SDCCAG8: variants seen among roughly 807,000 people sequenced by gnomAD.
The protein encoded by SDCCAG8 is serologically defined colon cancer antigen 8.
SDCCAG8 carries 74 observed loss-of-function variants against 101.8 expected under a neutral mutation model. The observed-to-expected ratio is 0.73, with a 90% CI of 0.60 to 0.88. SDCCAG8 has a LOEUF of 0.88. SDCCAG8 is among the 40% of genes least tolerant of loss of function. The pLI is 0.00. For missense variants in SDCCAG8, 787 were observed against 822.6 expected (o/e 0.96, Z 0.53); for synonymous variants, 281 against 292.9 (o/e 0.96, Z 0.41).
chr1:243,480,112 C>T (rs966951300), intron 16 of SDCCAG8, among the ~76,000 whole-genome samples: 1 of 151,054 alleles, frequency 6.6e-6, no homozygotes, highest in African/African-American at 2.4e-5. Context: ...AAGTAATCAT[C>T]AAGCAGAGAG....
Position 243,418,026 on chromosome 1 carries a change from A to C in SDCCAG8, c.1803A>C (p.Glu601Asp), listed in dbSNP as rs1199896922. 2.0e-5 allele frequency: 32 copies of C among 1,613,112 alleles called. No individual in the cohort carries two copies. The highest frequency in any genetic ancestry group is 2.7e-5 in the Non-Finnish European group (32 of 1,179,408). Reference sequence around the variant, plus strand: ...ATACATTTTTGACAAAGTTAAAGGAAGAATGCTGTACATTAGCCAAGAAAC... The same window carrying C: ...ATACATTTTTGACAAAGTTAAAGGACGAATGCTGTACATTAGCCAAGAAAC... The part of the protein sequence containing the change: ...SQNTFLTKLK[E>D]ECCTLAKKLE... The change falls in exon 15 of 18, where the codon GAA becomes GAC. Residue 601 changes from glutamate to aspartate, a missense_variant. Coordinates refer to ENST00000366541, the MANE Select transcript of SDCCAG8 (RefSeq NM_006642.5).
intron 16 of SDCCAG8, among the ~76,000 whole-genome samples, chr1:243,484,171 G>A: frequency 6.6e-6 from 1 of 152,256 alleles, no homozygotes; most frequent in East Asian, 1.9e-4. Flanking sequence ...AAATGGCACT[G>A]CCATTGCCTG....
At position 243,474,334 on chromosome 1, in the gene SDCCAG8, C is replaced by T. The variant is rs1661901310; in HGVS notation, c.1986-14680C>T. On this transcript the variant is annotated intron_variant, in intron 16 of 17. Transcript: ENST00000366541. This position sits in a 1 kb window ranked among gnomAD's most constrained non-coding sequence, Gnocchi z 4.7. ...TCTCCTTCTGCCAAAGTCCAGAGGC[C>T]CTGCGAGCCCCCGTGGAGTCGCCTG... Among the ~76,000 whole-genome samples the T allele has an allele frequency of 6.6e-6, 1 of 152,200 alleles. No homozygotes were observed. Among genetic ancestry groups the T allele is most frequent in the Admixed American group, 6.5e-5 (1 of 15,290 alleles).
intron 12 of SDCCAG8, among the ~76,000 whole-genome samples, chr1:243,367,177 A>G (rs115785180): frequency 0.01 from 1,566 of 152,218 alleles, 16 homozygotes; most frequent in Non-Finnish European, 0.013. Flanking sequence ...GTAACTGTTT[A>G]AAGATAATTT....
intron 16 of SDCCAG8, among the ~76,000 whole-genome samples, chr1:243,443,090 A>G (rs2082653325): frequency 6.6e-6 from 1 of 152,236 alleles, no homozygotes; most frequent in African/African-American, 2.4e-5. Flanking sequence ...TCATATTTTC[A>G]AAATAGTTCC....
intron 16 of SDCCAG8, among the ~76,000 whole-genome samples, chr1:243,480,494 GA>G (rs1198120603): frequency 2.3e-5 from 2 of 85,314 alleles, no homozygotes; most frequent in African/African-American, 4.6e-5. Flanking sequence ...GGATGGGTGG[GA>G]TGGATGGATG....
chr1:243,313,306 A>G (rs1236580183), intron 8 of SDCCAG8, among the ~76,000 whole-genome samples: 4 of 152,372 alleles, frequency 2.6e-5, no homozygotes, highest in African/African-American at 9.6e-5. Context: ...GGAGTAATTT[A>G]GAAATTATAA....
rs191646616 is a variant in SDCCAG8 at position 243,283,344 on chromosome 1, T to C, written c.421-2928T>C. Reference sequence around the variant, plus strand: ...ATTAATTCAGGAAATTTTTCAGTCATTATTGACTGAAATGTTTCTTCTTTT... The same window carrying C: ...ATTAATTCAGGAAATTTTTCAGTCACTATTGACTGAAATGTTTCTTCTTTT... On this transcript the variant is annotated intron_variant, in intron 4 of 17. Coordinates refer to ENST00000366541, the MANE Select transcript of SDCCAG8 (RefSeq NM_006642.5). Among the ~76,000 whole-genome samples the C allele has an allele frequency of 2.0e-3, 303 of 151,540 alleles. 5 individuals carry two copies. Among genetic ancestry groups the C allele is most frequent in the Non-Finnish European group, 9.6e-4 (65 of 67,910 alleles).
intron 16 of SDCCAG8, among the ~76,000 whole-genome samples, chr1:243,475,681 T>C (rs1466612247): frequency 6.6e-6 from 1 of 152,172 alleles, no homozygotes; most frequent in African/African-American, 2.4e-5. Flanking sequence ...TAAAAGTTGA[T>C]TGATGACAGA....
chr1:243,277,403 A>T (rs141974566), intron 4 of SDCCAG8, among the ~76,000 whole-genome samples: 70 of 152,332 alleles, frequency 4.6e-4, no homozygotes, highest in African/African-American at 1.6e-3. Context: ...AATGATGCTG[A>T]GCATCTTTTC....
chr1:243,336,944 G>T lies in SDCCAG8; in HGVS notation c.1222-4095G>T, dbSNP rs569121107. Among the ~76,000 whole-genome samples, 356 of 152,158 alleles carry T rather than the reference G, an allele frequency of 2.3e-3. 3 individuals carry two copies. The highest frequency in any genetic ancestry group is 8.3e-3 in the African/African-American group (346 of 41,506). On this transcript the variant is annotated intron_variant, in intron 10 of 17. Transcript: ENST00000366541. ...TGTGGGTACTTTCTCCCATTCTGTAGGTTGTCTGTTTACTCTGTTGATAGT... is the reference window on the plus strand; with the variant it reads ...TGTGGGTACTTTCTCCCATTCTGTATGTTGTCTGTTTACTCTGTTGATAGT...
At chr1:243,318,486 A>G (rs1457978338) in intron 9 of SDCCAG8, 6 of 869,576 alleles carry the variant, frequency 6.9e-6, no homozygotes, top group Non-Finnish European at 6.9e-6. Flanking sequence ...AAACCTTCAC[A>G]TGTACCCCCG....
At chr1:243,377,988 G>T (rs2077699369) in intron 12 of SDCCAG8, among the ~76,000 whole-genome samples, 1 of 150,714 alleles carries the variant, frequency 6.6e-6, no homozygotes, top group African/African-American at 2.4e-5. Flanking sequence ...TTTTTGCTTT[G>T]AAATATTTGA....
chr1:243,260,132 C>T (rs2067091347), intron 1 of SDCCAG8, among the ~76,000 whole-genome samples: 1 of 152,200 alleles, frequency 6.6e-6, no homozygotes, highest in African/African-American at 2.4e-5. Context: ...AATGATTCTT[C>T]TTCAAAACGA....
intron 16 of SDCCAG8, among the ~76,000 whole-genome samples, chr1:243,456,354 G>C (rs774838613): frequency 3.3e-5 from 5 of 152,120 alleles, no homozygotes; most frequent in Admixed American, 6.5e-5. Flanking sequence ...GGGCTTTTCA[G>C]GTTATCAAAA....
intron 9 of SDCCAG8, 110 bp from the exon 10 acceptor site, chr1:243,330,430 T>C: frequency 9.4e-7 from 1 of 1,068,176 alleles, no homozygotes; most frequent in Non-Finnish European, 1.4e-6. Context: ...TCTAATGGGC[T>C]TTATAGTGAG....
intron 13 of SDCCAG8, among the ~76,000 whole-genome samples, chr1:243,403,583 G>A (rs1235809113): frequency 6.6e-6 from 1 of 152,130 alleles, no homozygotes; most frequent in Non-Finnish European, 1.5e-5. Context: ...GACTTACTTA[G>A]AGCAGGAGTT....
intron 16 of SDCCAG8, among the ~76,000 whole-genome samples, chr1:243,457,308 A>G (rs779132303): frequency 2.6e-5 from 4 of 152,224 alleles, no homozygotes; most frequent in African/African-American, 4.8e-5. Flanking sequence ...CACAAAACCA[A>G]AAATAATTCA....
At chr1:243,367,986 G>A (rs1222732846) in intron 12 of SDCCAG8, among the ~76,000 whole-genome samples, 2 of 151,754 alleles carry the variant, frequency 1.3e-5, no homozygotes, top group Non-Finnish European at 2.9e-5. Flanking sequence ...GGTCAAGGCA[G>A]GAGGATCGCT....
Sources: allele counts gnomAD v4.1 joint callset (sites outside exome capture counted in the v4.1 genomes callset), GRCh38; gene constraint gnomAD v4.1.1; non-coding constraint Gnocchi (gnomAD v3.1); transcripts MANE v1.5; gene names NCBI Gene and HGNC (gene_info 2026-07-23, HGNC 2026-07-21).